CPNE5: variants seen among roughly 807,000 people sequenced by gnomAD.
CPNE5 encodes the protein copine-5.
In CPNE5, 42 loss-of-function variants were observed where a neutral mutation model predicts 81.1. The ratio of observed to expected loss-of-function variants is 0.52; its 90% confidence interval spans 0.40 to 0.67. The LOEUF (loss-of-function observed/expected upper bound fraction) is 0.67, where lower values mean the gene tolerates loss of function less well. Ranked by LOEUF, CPNE5 falls within the 30% of genes least tolerant of loss-of-function variation. The pLI, the probability that CPNE5 is intolerant of heterozygous loss-of-function variation, is 0.00. For missense variants in CPNE5, 612 were observed against 815.5 expected, an observed-to-expected ratio of 0.75 and a Z score of 3.04; for synonymous variants, 313 against 321.5, an observed-to-expected ratio of 0.97 and a Z score of 0.28.
In CPNE5 at chr6:36,794,043, G is replaced by A. The variant is rs1769337657; in HGVS notation, c.464+547C>T. On this transcript the variant is annotated intron_variant, in intron 7 of 20. Coordinates refer to ENST00000244751, the MANE Select transcript of CPNE5 (RefSeq NM_020939.2). ...GGCCAGCCGAAGCCAGATGGTCAGGGTGGTGGAGTGAGGCTGGCCCACCGC... is the reference window on the plus strand; with the variant it reads ...GGCCAGCCGAAGCCAGATGGTCAGGATGGTGGAGTGAGGCTGGCCCACCGC... Among the ~76,000 whole-genome samples the A allele has an allele frequency of 2.0e-5, 3 of 152,204 alleles. No individual in the cohort carries two copies. The South Asian group carries it at 6.2e-4, about 31-fold the overall frequency.
chr6:36,791,890 G>A, intron 8 of CPNE5, 143 bp downstream of exon 8: 1 of 734,182 alleles, frequency 1.4e-6, no homozygotes, highest in Non-Finnish European at 2.4e-6. Flanking sequence ...CACTAGCTCT[G>A]ATGTTGCAAA....
intron 8 of CPNE5, among the ~76,000 whole-genome samples, chr6:36,789,217 G>C (rs1186857693): frequency 6.6e-6 from 1 of 152,202 alleles, no homozygotes; most frequent in Non-Finnish European, 1.5e-5. Flanking sequence ...CCCTGCCCCC[G>C]ACATAGACCC....
chr6:36,837,542 G>A (rs781142581), intron 1 of CPNE5, among the ~76,000 whole-genome samples: 15 of 152,164 alleles, frequency 9.9e-5, no homozygotes, highest in Non-Finnish European at 2.2e-4. Flanking sequence ...CACCTGAGAC[G>A]TCTCAAGAGG....
intron 8 of CPNE5, among the ~76,000 whole-genome samples, chr6:36,788,229 G>A (rs376452049): frequency 1.6e-4 from 25 of 151,982 alleles, no homozygotes; most frequent in African/African-American, 5.1e-4. Context: ...AGATGGTCGG[G>A]GGGGGGTCTC....
At chr6:36,834,754 T>C (rs910817766) in intron 1 of CPNE5, among the ~76,000 whole-genome samples, 10 of 152,146 alleles carry the variant, frequency 6.6e-5, no homozygotes, top group Non-Finnish European at 1.5e-4. Flanking sequence ...AATGCCACTG[T>C]TATTATTCCC....
At chr6:36,765,191 T>G in intron 11 of CPNE5, 144 bp downstream of exon 11, 12 of 383,398 alleles carry the variant, frequency 3.1e-5, no homozygotes, top group East Asian at 6.0e-5. Context: ...TCCCCCACCC[T>G]CCACACACAC....
intron 8 of CPNE5, among the ~76,000 whole-genome samples, chr6:36,787,266 T>G (rs1768646203): frequency 6.6e-6 from 1 of 152,130 alleles, no homozygotes; most frequent in Non-Finnish European, 1.5e-5. Context: ...AAACAAAAGT[T>G]TTGATTGTGT....
At chr6:36,760,407 C>T in intron 12 of CPNE5, among the ~76,000 whole-genome samples, 1 of 152,094 alleles carries the variant, frequency 6.6e-6, no homozygotes, top group East Asian at 1.9e-4. Flanking sequence ...ATGCCCTACA[C>T]AGATTTTAAG....
At chr6:36,833,152 A>T (rs980301376) in intron 1 of CPNE5, among the ~76,000 whole-genome samples, 2 of 152,170 alleles carry the variant, frequency 1.3e-5, no homozygotes, top group Non-Finnish European at 2.9e-5. Flanking sequence ...GAAGCCCTCA[A>T]GGTCTTAAGT....
intron 10 of CPNE5, among the ~76,000 whole-genome samples, chr6:36,765,680 T>C (rs1766498377): frequency 6.6e-6 from 1 of 152,222 alleles, no homozygotes; most frequent in African/African-American, 2.4e-5. Flanking sequence ...AGAAGGGGCA[T>C]AAGCTCAGCA....
In CPNE5 at chr6:36,742,463, C is replaced by T; in HGVS notation, c.1587G>A (p.Val529=). 6.2e-7 allele frequency: 1 copy of T among 1,612,788 alleles called. No homozygotes were observed. The highest frequency in any genetic ancestry group is 1.1e-5 in the South Asian group (1 of 91,082). ...IVQFVPFRDY[V]DRTGNHVLSM... is the part of the protein sequence containing the mutation. ...TCAGCACGTGGTTGCCTGTGCGGTC[C>T]ACGTAGTCCCGGAAGGGTACAAACT... is the stretch of plus-strand genomic sequence containing the variant. The change falls in exon 21 of 21, where the codon GTG becomes GTA. Residue 529 remains valine, a synonymous_variant. Coordinates refer to ENST00000244751, the MANE Select transcript of CPNE5 (RefSeq NM_020939.2).
intron 7 of CPNE5, among the ~76,000 whole-genome samples, chr6:36,793,469 G>A (rs368444984): frequency 1.3e-5 from 2 of 152,170 alleles, no homozygotes; most frequent in South Asian, 4.1e-4. Context: ...CAGGGAGATA[G>A]AATCCTCCAC....
intron 10 of CPNE5, among the ~76,000 whole-genome samples, chr6:36,768,814 G>C (rs1406215524): frequency 6.6e-6 from 1 of 152,242 alleles, no homozygotes; most frequent in Non-Finnish European, 1.5e-5. Flanking sequence ...GGGCAGAAAA[G>C]ACCTTCGGCT....
rs755550947 is a variant in CPNE5, at chr6:36,798,165, G to A, written c.404C>T (p.Thr135Met). 14 of 1,613,072 alleles carry A rather than the reference G, an allele frequency of 8.7e-6. No homozygotes were observed. Among genetic ancestry groups the A allele is most frequent in the East Asian group, 2.2e-5 (1 of 44,880 alleles). ...CTGGGAAAGCAACCCAGACACTCAC[G>A]TGAGGGGCTTTTCCAGGCGGCTCCC... ...SPGSRLEKPL[T>M]IGAFSLNSRT... is the part of the protein sequence containing the mutation. Residue 135 changes from threonine to methionine, a missense_variant and splice_region_variant, in exon 6 of 21, where the codon ACG becomes ATG. Thr to Met is a moderately conservative substitution (Grantham distance 81). Coordinates refer to ENST00000244751, the MANE Select transcript of CPNE5 (RefSeq NM_020939.2).
chr6:36,794,550 T>C, intron 7 of CPNE5, 40 bp downstream of exon 7: 2 of 1,594,334 alleles, frequency 1.3e-6, no homozygotes, highest in Non-Finnish European at 1.7e-6. Context: ...GCTGGCTGAA[T>C]GTCTAAGGAC....
At position 36,767,307 on chromosome 6, in the gene CPNE5, T is replaced by TC. The variant is rs755123042; in HGVS notation, c.738-1932dup. Among the ~76,000 whole-genome samples, 218 of 152,180 alleles carry TC rather than the reference T, an allele frequency of 1.4e-3. 3 individuals carry two copies. Among genetic ancestry groups the TC allele is most frequent in the Admixed American group, 3.2e-3 (49 of 15,268 alleles). On this transcript the variant is annotated intron_variant, in intron 10 of 20. Coordinates refer to ENST00000244751, the MANE Select transcript of CPNE5 (RefSeq NM_020939.2). ...TCCCAGGTCCAGCTCTGGGCAAGAC[T>TC]CAGGAATCTGTTTTCAAGGCTTCCC...
chr6:36,746,117 T>C lies in CPNE5; in HGVS notation c.1200+279A>G. The C allele has an allele frequency of 1.0e-6, 1 of 981,504 alleles. No individual in the cohort carries two copies. Among genetic ancestry groups the C allele is most frequent in the South Asian group, 4.7e-5 (1 of 21,200 alleles). 60.8% of individuals were successfully genotyped at this position (981,504 alleles called of 1,614,324 possible). On this transcript the variant is annotated intron_variant, in intron 16 of 20. Transcript: ENST00000244751. This position sits in a 1 kb window ranked among gnomAD's most constrained non-coding sequence, Gnocchi z 4.5. The stretch of plus-strand genomic sequence containing the variant: ...CTTTTCTGGGGCCCTGAGGGATGGG[T>C]CAGCCACAGCTCGCCTCCACCTGCA...
rs147728429 is a variant in CPNE5, at chr6:36,745,445, C to G, written c.1271G>C (p.Arg424Pro). The change falls in exon 17 of 21, where the codon CGC becomes CCC. Residue 424 changes from arginine to proline, a missense_variant. Physicochemically the swap from Arg to Pro is moderately radical, Grantham distance 103. Transcript: ENST00000244751. ...GILEAYHRSL[R>P]TVQLYGPTNF... ...GGTGGGGCCGTACAGCTGCACAGTG[C>G]GCAGGCTGCGGTGGTAGGCCTCCAG... 6.2e-7 allele frequency: 1 copy of G among 1,604,922 alleles called. No individual in the cohort carries two copies. The highest frequency in any genetic ancestry group is 8.5e-7 in the Non-Finnish European group (1 of 1,176,390).
intron 1 of CPNE5, 97 bp from the exon 2 acceptor site, chr6:36,823,195 GGCCT>G: frequency 9.6e-7 from 1 of 1,042,806 alleles, no homozygotes; most frequent in Non-Finnish European, 1.3e-6. Context: ...GGCTGCCTCT[GGCCT>G]GGCCTCAGGC....
Sources: gnomAD v4.1 joint callset for allele counts (sites outside exome capture counted in the v4.1 genomes callset) on GRCh38, gnomAD v4.1.1 for gene constraint, Gnocchi (gnomAD v3.1) non-coding constraint, MANE v1.5 for transcripts, NCBI Gene and HGNC (gene_info 2026-07-23, HGNC 2026-07-21) for gene names.